Variants in NRG2 observed in about 807,000 individuals in gnomAD.
The protein encoded by NRG2 is neuregulin 2.
Under a neutral mutation model 73.9 loss-of-function variants are expected in NRG2, and 27 were observed. The ratio of observed to expected loss-of-function variants is 0.37; its 90% confidence interval spans 0.27 to 0.50. The LOEUF is 0.50. Among genes scored for constraint, NRG2 ranks in the 20% least tolerant of loss-of-function variants. NRG2 has a pLI of 0.96. For synonymous variants in NRG2, 532 were observed against 541.0 expected (o/e 0.98, Z 0.23); for missense variants, 1,126 against 1,210.1 (o/e 0.93, Z 1.03).
chr5:139,963,512 C>T (rs907450803), intron 1 of NRG2, among the ~76,000 whole-genome samples: 1 of 152,214 alleles, frequency 6.6e-6, no homozygotes, highest in African/African-American at 2.4e-5. Context: ...CATCTTCACA[C>T]CCATGATCCT....
At chr5:139,949,450 T>C (rs1393819827) in intron 1 of NRG2, among the ~76,000 whole-genome samples, 1 of 150,310 alleles carries the variant, frequency 6.7e-6, no homozygotes, top group Non-Finnish European at 1.5e-5. Context: ...TAACTAATAC[T>C]TTTTTTTTTC....
intron 1 of NRG2, among the ~76,000 whole-genome samples, chr5:139,973,514 T>C (rs2126538522): frequency 6.6e-6 from 1 of 152,204 alleles, no homozygotes; most frequent in Middle Eastern, 3.4e-3. Context: ...GGCATGTGCC[T>C]ACACCCCTGG....
chr5:139,889,099 A>T (rs1156747153), intron 1 of NRG2, among the ~76,000 whole-genome samples: 1 of 152,196 alleles, frequency 6.6e-6, no homozygotes, highest in Non-Finnish European at 1.5e-5. Flanking sequence ...TTACTTGACA[A>T]GAGGGTTCCA....
At chr5:139,864,778 A>T (rs1272032315) in intron 5 of NRG2, among the ~76,000 whole-genome samples, 1 of 148,146 alleles carries the variant, frequency 6.8e-6, no homozygotes, top group African/African-American at 2.6e-5. Context: ...ACACACACAC[A>T]CTCACTGCCA....
At chr5:139,987,772 GTTT>G (rs374160865) in intron 1 of NRG2, among the ~76,000 whole-genome samples, 2 of 126,150 alleles carry the variant, frequency 1.6e-5, no homozygotes, top group East Asian at 2.2e-4. Context: ...TCTGCAGGTT[GTTT>G]TTTTTTTTTT....
chr5:139,936,887 C>T (rs540425085), intron 1 of NRG2, among the ~76,000 whole-genome samples: 3 of 152,278 alleles, frequency 2.0e-5, no homozygotes, highest in East Asian at 3.9e-4. Flanking sequence ...CTGTAACCTC[C>T]GCCTTCTAGG....
intron 1 of NRG2, among the ~76,000 whole-genome samples, chr5:139,989,043 G>A (rs998118476): frequency 5.3e-5 from 8 of 152,100 alleles, no homozygotes; most frequent in Non-Finnish European, 8.8e-5. Flanking sequence ...TAAGGTACAA[G>A]GATGTTCATT....
chr5:139,981,882 C>T (rs937651824), intron 1 of NRG2, among the ~76,000 whole-genome samples: 4 of 152,170 alleles, frequency 2.6e-5, no homozygotes, highest in Non-Finnish European at 5.9e-5. Flanking sequence ...AGCCTGCTAA[C>T]CTAGAGGGGA....
intron 1 of NRG2, among the ~76,000 whole-genome samples, chr5:139,947,220 AC>A (rs1331215750): frequency 3.0e-4 from 46 of 152,248 alleles, no homozygotes; most frequent in Non-Finnish European, 1.0e-4. Flanking sequence ...TGAGAAGTAA[AC>A]CCATACTCTT....
intron 1 of NRG2, among the ~76,000 whole-genome samples, chr5:140,022,296 A>G (rs1444787980): frequency 6.6e-6 from 1 of 152,012 alleles, no homozygotes; most frequent in Non-Finnish European, 1.5e-5. Context: ...CAATAATTCC[A>G]TCTCCTCCTG....
intron 1 of NRG2, among the ~76,000 whole-genome samples, chr5:139,941,092 C>A (rs1753364030): frequency 6.6e-6 from 1 of 152,126 alleles, no homozygotes; most frequent in African/African-American, 2.4e-5. Context: ...TGGGCAACTG[C>A]AGGGTAGCTC....
At chr5:139,937,924 T>C (rs1416410619) in intron 1 of NRG2, among the ~76,000 whole-genome samples, 2 of 152,046 alleles carry the variant, frequency 1.3e-5, no homozygotes, top group Non-Finnish European at 2.9e-5. Context: ...CCGAAAACTA[T>C]GAAACAACCC....
chr5:139,881,260 T>C (rs1033382243), intron 2 of NRG2, among the ~76,000 whole-genome samples: 22 of 152,156 alleles, frequency 1.4e-4, no homozygotes, highest in African/African-American at 4.8e-4. Context: ...GGCTGGACCA[T>C]TGTAACATTC....
chr5:139,931,887 A>G (rs1037535502), intron 1 of NRG2, among the ~76,000 whole-genome samples: 4 of 152,252 alleles, frequency 2.6e-5, no homozygotes, highest in Admixed American at 2.0e-4. Flanking sequence ...ACAACGAGCT[A>G]TCACTTCACA....
rs1762553707 is a variant in NRG2, at chr5:139,867,767, T to C, written c.1113-2142A>G. 3.4e-5 allele frequency among the ~76,000 whole-genome samples: 4 copies of C among 117,026 alleles called. No individual in the cohort carries two copies. The South Asian group carries it at 1.1e-3, about 31-fold the overall frequency. The allele number at this position is 117,026 out of a possible 152,430, so 76.8% of individuals were successfully genotyped here. ...GCTCTTGGAGGAAGGGAAACCTGTG[T>C]GTGTGTGTGTGTGTGTGTGTGTGTG... On this transcript the variant is annotated intron_variant, in intron 4 of 9. Coordinates refer to ENST00000361474, the MANE Select transcript of NRG2 (RefSeq NM_004883.3).
chr5:139,856,228 G>T lies in NRG2; in HGVS notation c.1190-450C>A. 5.5e-6 allele frequency: 1 copy of T among 182,252 alleles called. No individual in the cohort carries two copies. The highest frequency in any genetic ancestry group is 2.3e-5 in the African/African-American group (1 of 43,592). The allele number at this position is 182,252 out of a possible 1,614,324, so 11.3% of individuals were successfully genotyped here. On this transcript the variant is annotated intron_variant, in intron 5 of 9. Transcript: ENST00000361474. The surrounding 1 kb of genome is among the most constrained non-coding windows in gnomAD (Gnocchi z 4.2). ...GTTGTTCTTCCTGGCAGTGATCATG[G>T]GAATGCCTTTGTTTACCCCTGCAGC...
chr5:140,032,459 C>T (rs960000569), intron 1 of NRG2, among the ~76,000 whole-genome samples: 16 of 152,164 alleles, frequency 1.1e-4, no homozygotes, highest in African/African-American at 3.4e-4. Flanking sequence ...AGCAAAATTC[C>T]GCCCTCATCA....
rs757681676 is a variant in NRG2, at chr5:139,871,817, G to A, written c.1016C>T (p.Ser339Leu). 2.0e-5 allele frequency: 32 copies of A among 1,613,864 alleles called. No individual in the cohort carries two copies. The highest frequency in any genetic ancestry group is 1.3e-4 in the African/African-American group (10 of 74,900). ...CTCGTTGCACTTCCGGGCGTGCCCC[G>A]ACCAGGATGACAGGGTGGTGCTCAC... is the stretch of plus-strand genomic sequence containing the variant. ...NSVSTTLSSW[S>L]GHARKCNETA... The change falls in exon 4 of 10, where the codon TCG becomes TTG. Residue 339 changes from serine (S) to leucine (L), a missense_variant. Around this residue, in one of 3 missense-constraint regions of NRG2, gnomAD observed 539 missense variants for 703.2 expected, o/e 0.77. Transcript: ENST00000361474.
In NRG2 at chr5:140,042,946, CGCTGCTGCTGCTGCT is replaced by C. The variant is rs756281194; in HGVS notation, c.109_123del (p.Ser37_Ser41del). The C allele has an allele frequency of 1.6e-5, 24 of 1,532,796 alleles. No individual in the cohort carries two copies. The highest frequency in any genetic ancestry group is 1.8e-5 in the Non-Finnish European group (21 of 1,138,924). 94.9% of individuals were successfully genotyped at this position (1,532,796 alleles called of 1,614,324 possible). A position where few individuals can be genotyped will look rare whatever the true frequency, so the allele number is the denominator to read the frequency against. On this transcript the variant is annotated inframe_deletion, in exon 1 of 10. Coordinates refer to ENST00000361474, the MANE Select transcript of NRG2 (RefSeq NM_004883.3). The stretch of plus-strand genomic sequence containing the variant: ...CTGCTCCTGCTGCTGCTGCCGCTCT[CGCTGCTGCTGCTGCT>C]GCTGCTGCTGCTCCTCTCGCTGCTG...
Sources: allele counts gnomAD v4.1 joint callset (sites outside exome capture counted in the v4.1 genomes callset), GRCh38; gene constraint gnomAD v4.1.1; regional missense constraint gnomAD v4.1.1; non-coding constraint Gnocchi (gnomAD v3.1); transcripts MANE v1.5; gene names NCBI Gene and HGNC (gene_info 2026-07-23, HGNC 2026-07-21).